Variants in MEGF10 observed in about 807,000 individuals in gnomAD.
MEGF10 encodes the protein multiple EGF like domains 10, also known as multiple epidermal growth factor-like domains protein 10.
Under a neutral mutation model 147.5 loss-of-function variants are expected in MEGF10, and 86 were observed. The observed-to-expected ratio is 0.58, with a 90% CI of 0.49 to 0.70. MEGF10 has a LOEUF of 0.70. Ranked by LOEUF, MEGF10 falls within the 30% of genes least tolerant of loss-of-function variation. The pLI, the probability that MEGF10 is intolerant of heterozygous loss-of-function variation, is 0.00. For synonymous variants in MEGF10, 478 were observed against 525.5 expected (o/e 0.91, Z 1.24); for missense variants, 1,329 against 1,487.3 (o/e 0.89, Z 1.75).
At chr5:127,312,248 TC>T (rs1368841295) in intron 1 of MEGF10, among the ~76,000 whole-genome samples, 1 of 152,158 alleles carries the variant, frequency 6.6e-6, no homozygotes, top group Non-Finnish European at 1.5e-5. Context: ...AAAAGTGCCT[TC>T]GGCTGGCACA....
intron 21 of MEGF10, 142 bp downstream of exon 21, chr5:127,447,826 T>C: frequency 9.0e-7 from 1 of 1,112,772 alleles, no homozygotes; most frequent in Non-Finnish European, 1.2e-6. Flanking sequence ...AACAGTCCTC[T>C]GAGTGTGCTT....
At chr5:127,387,664 C>T (rs1763483378) in intron 5 of MEGF10, among the ~76,000 whole-genome samples, 1 of 152,184 alleles carries the variant, frequency 6.6e-6, no homozygotes, top group Admixed American at 6.5e-5. Context: ...CTTGCTTTTG[C>T]CACTCAAACG....
chr5:127,367,405 A>T (rs1234283690), intron 4 of MEGF10, among the ~76,000 whole-genome samples: 4 of 152,216 alleles, frequency 2.6e-5, no homozygotes, highest in Non-Finnish European at 5.9e-5. Context: ...AAATGGTAAT[A>T]TTAATCCTTT....
At chr5:127,246,985 A>AATATATATATATATATATATATAT in the MEGF10 span, among the ~76,000 whole-genome samples, 115 of 104,140 alleles carry the variant, frequency 1.1e-3, 1 homozygote, top group South Asian at 2.8e-3. Flanking sequence ...GTATAAAAAG[A>AATATATATATATATATATATATAT]ATATATATAT....
chr5:127,271,209 A>G, the MEGF10 span, among the ~76,000 whole-genome samples: 1 of 152,040 alleles, frequency 6.6e-6, no homozygotes, highest in Admixed American at 6.5e-5. Flanking sequence ...TCTCTCCATA[A>G]CCTCACCAGC....
intron 5 of MEGF10, among the ~76,000 whole-genome samples, chr5:127,374,903 C>T (rs1762971333): frequency 6.6e-6 from 1 of 152,198 alleles, no homozygotes; most frequent in South Asian, 2.1e-4. Flanking sequence ...TCAGCCCAAA[C>T]TTCAGTTACT....
At chr5:127,409,903 G>A (rs1007786802) in intron 8 of MEGF10, 5 of 166,408 alleles carry the variant, frequency 3.0e-5, no homozygotes, top group South Asian at 3.0e-4. Context: ...GAGTAAAAAC[G>A]TGGCTAAGAT....
At chr5:127,382,868 A>G (rs1262298791) in intron 5 of MEGF10, among the ~76,000 whole-genome samples, 1 of 152,204 alleles carries the variant, frequency 6.6e-6, no homozygotes, top group South Asian at 2.1e-4. Context: ...AATAACAGGA[A>G]AGTACATAAT....
intron 1 of MEGF10, among the ~76,000 whole-genome samples, chr5:127,309,835 G>A (rs1561561753): frequency 6.6e-6 from 1 of 151,890 alleles, no homozygotes; most frequent in Non-Finnish European, 1.5e-5. Flanking sequence ...GCAACATATG[G>A]TAATTCCATG....
the MEGF10 span, among the ~76,000 whole-genome samples, chr5:127,249,341 C>CAG: frequency 7.4e-5 from 11 of 148,504 alleles, no homozygotes; most frequent in Admixed American, 4.7e-4. Context: ...TACATACACA[C>CAG]AGAGAGAGAG....
chr5:127,343,168 G>T (rs539991889), intron 4 of MEGF10, among the ~76,000 whole-genome samples: 6 of 152,196 alleles, frequency 3.9e-5, no homozygotes, highest in African/African-American at 1.4e-4. Context: ...AGATAACATG[G>T]TCACCTTTCT....
chr5:127,359,348 G>GTT (rs140801368), intron 4 of MEGF10, among the ~76,000 whole-genome samples: 6 of 150,060 alleles, frequency 4.0e-5, no homozygotes, highest in African/African-American at 1.5e-4. Context: ...TTACTCTAGG[G>GTT]TTTTTTTTTG....
At chr5:127,236,622 C>T in the MEGF10 span, among the ~76,000 whole-genome samples, 1 of 152,312 alleles carries the variant, frequency 6.6e-6, no homozygotes, top group East Asian at 1.9e-4. Flanking sequence ...CACCCTCTCC[C>T]ACTATTCCAT....
intron 4 of MEGF10, among the ~76,000 whole-genome samples, chr5:127,349,963 AT>A (rs564671611): frequency 2.2e-4 from 33 of 152,266 alleles, no homozygotes; most frequent in Middle Eastern, 6.8e-3. Context: ...AAGTACCATG[AT>A]AACTGACAGA....
intron 5 of MEGF10, among the ~76,000 whole-genome samples, chr5:127,382,830 A>G (rs1763307230): frequency 1.3e-5 from 2 of 152,246 alleles, no homozygotes; most frequent in African/African-American, 4.8e-5. Context: ...TGATTGACCA[A>G]TGAACATGAC....
chr5:127,327,955 G>A (rs1265731879), intron 1 of MEGF10, among the ~76,000 whole-genome samples: 1 of 151,994 alleles, frequency 6.6e-6, no homozygotes, highest in African/African-American at 2.4e-5. Flanking sequence ...GACCTCAGGT[G>A]ATCCACCCGC....
At chr5:127,357,246 T>C (rs1211637762) in intron 4 of MEGF10, among the ~76,000 whole-genome samples, 1 of 152,184 alleles carries the variant, frequency 6.6e-6, no homozygotes, top group Non-Finnish European at 1.5e-5. Flanking sequence ...CAACTTCTTC[T>C]AGACCTCTCC....
At chr5:127,378,073 A>G (rs1433784013) in intron 5 of MEGF10, among the ~76,000 whole-genome samples, 5 of 152,116 alleles carry the variant, frequency 3.3e-5, no homozygotes, top group Non-Finnish European at 7.4e-5. Flanking sequence ...CAAAATTTGG[A>G]CTGTTCTTTG....
In MEGF10 at chr5:127,445,576, T is replaced by C. The variant is rs1458241297; in HGVS notation, c.2611T>C (p.Phe871Leu). The C allele has an allele frequency of 2.5e-6, 4 of 1,614,112 alleles. No individual in the cohort carries two copies. ...GIIILVLVVL[F>L]LLALFIIYRH... Reference sequence around the variant, plus strand: ...CATCATTCTTGTCCTAGTTGTTCTCTTCCTACTGGCATTGTTCATTATTTA... The same window carrying C: ...CATCATTCTTGTCCTAGTTGTTCTCCTCCTACTGGCATTGTTCATTATTTA... Residue 871 changes from phenylalanine to leucine, a missense_variant, in exon 20 of 25, where the codon TTC becomes CTC. Physicochemically the swap from Phe to Leu is conservative, Grantham distance 22 (BLOSUM62 0). Around this residue, in one of 3 missense-constraint regions of MEGF10, gnomAD observed 343 missense variants for 377.9 expected, o/e 0.91. Transcript: ENST00000503335.
Sources: allele counts gnomAD v4.1 joint callset (sites outside exome capture counted in the v4.1 genomes callset), GRCh38; gene constraint gnomAD v4.1.1; regional missense constraint gnomAD v4.1.1; transcripts MANE v1.5; gene names NCBI Gene and HGNC (gene_info 2026-07-23, HGNC 2026-07-21).